The following CLRN3 variants were observed in gnomAD, a reference collection of about 807,000 sequenced individuals.
CLRN3 encodes the protein clarin 3.
In CLRN3, 12 loss-of-function variants were observed where a neutral mutation model predicts 16.7. That is an observed-to-expected ratio of 0.72 (90% CI 0.46 to 1.16). CLRN3 has a LOEUF of 1.16. CLRN3 is among the 50% of genes most tolerant of loss of function. The pLI is 0.00. For synonymous variants in CLRN3, 118 were observed against 113.0 expected (o/e 1.04, Z -0.28); for missense variants, 296 against 274.2 (o/e 1.08, Z -0.56).
intron 1 of CLRN3, 30 bp downstream of exon 1, chr10:127,892,526 T>G (rs1232137050): frequency 2.8e-6 from 3 of 1,081,254 alleles, no homozygotes; most frequent in Non-Finnish European, 4.3e-6. Context: ...TCAATCTCAC[T>G]ATATTCATTC....
intron 2 of CLRN3, among the ~76,000 whole-genome samples, chr10:127,881,352 G>A (rs1170672378): frequency 2.0e-5 from 3 of 152,220 alleles, no homozygotes; most frequent in Non-Finnish European, 4.4e-5. Flanking sequence ...TGAGGCCTCT[G>A]CTATATGCAA....
At chr10:127,887,930 C>T (rs925089117) in intron 1 of CLRN3, among the ~76,000 whole-genome samples, 1 of 152,208 alleles carries the variant, frequency 6.6e-6, no homozygotes, top group African/African-American at 2.4e-5. Flanking sequence ...AGAAGAGCGT[C>T]TGGCCCGCAG....
chr10:127,881,117 C>T (rs1313580365), intron 2 of CLRN3, among the ~76,000 whole-genome samples: 2 of 152,158 alleles, frequency 1.3e-5, no homozygotes, highest in East Asian at 3.9e-4. Flanking sequence ...GGCCTTCTCC[C>T]AGGCAGGCAT....
Position 127,878,316 on chromosome 10 carries a change from C to T in CLRN3, c.514G>A (p.Gly172Arg). 3 of 1,614,166 alleles carry T rather than the reference C, an allele frequency of 1.9e-6. No homozygotes were observed. The highest frequency in any genetic ancestry group is 2.5e-6 in the Non-Finnish European group (3 of 1,180,034). Residue 172 changes from glycine to arginine, a missense_variant, in exon 3 of 3, where the codon GGA becomes AGA. Transcript: ENST00000368671. ...QMLYPATTSK[G>R]TTHSYGYSFW... is the part of the protein sequence containing the mutation. ...GAGTATCCGTAACTGTGGGTCGTTC[C>T]TTTACTGGTGGTTGCCGGGTAAAGC...
chr10:127,892,247 T>C (rs1253226561), intron 1 of CLRN3, among the ~76,000 whole-genome samples: 1 of 152,250 alleles, frequency 6.6e-6, no homozygotes, highest in African/African-American at 2.4e-5. Context: ...GTGTTCCTAC[T>C]GGCTATTCAA....
intron 2 of CLRN3, among the ~76,000 whole-genome samples, chr10:127,879,413 T>C (rs570611464): frequency 1.3e-5 from 2 of 152,186 alleles, no homozygotes; most frequent in African/African-American, 4.8e-5. Context: ...TTCTTCAGTA[T>C]AGACTTGGGA....
At chr10:127,878,970 T>G (rs1016607518) in intron 2 of CLRN3, among the ~76,000 whole-genome samples, 1 of 152,188 alleles carries the variant, frequency 6.6e-6, no homozygotes, top group Non-Finnish European at 1.5e-5. Context: ...TCCCAGGAGC[T>G]TGAATCTCAT....
At chr10:127,887,677 T>C (rs979836903) in intron 1 of CLRN3, among the ~76,000 whole-genome samples, 10 of 152,232 alleles carry the variant, frequency 6.6e-5, no homozygotes, top group African/African-American at 2.4e-4. Flanking sequence ...CTGACAGCTG[T>C]ATCTCCGCTC....
chr10:127,881,530 C>T (rs911726050), intron 2 of CLRN3, among the ~76,000 whole-genome samples: 1 of 152,172 alleles, frequency 6.6e-6, no homozygotes, highest in African/African-American at 2.4e-5. Flanking sequence ...CCTGTTTTCC[C>T]TCCAGGAATG....
chr10:127,878,054 C>T lies in CLRN3; in HGVS notation c.*95G>A. ...CACAAATGCTGTCACAGATGACAGT[C>T]ACGTTACCATGCTGAATTGTCCAGA... On this transcript the variant is annotated 3_prime_UTR_variant, in exon 3 of 3. Coordinates refer to ENST00000368671, the MANE Select transcript of CLRN3 (RefSeq NM_152311.5). The T allele has an allele frequency of 7.1e-7, 1 of 1,407,296 alleles. No homozygotes were observed. Among genetic ancestry groups the T allele is most frequent in the East Asian group, 2.3e-5 (1 of 43,388 alleles). 87.2% of individuals were successfully genotyped at this position (1,407,296 alleles called of 1,614,324 possible).
At chr10:127,883,543 A>C (rs1784279430) in intron 2 of CLRN3, among the ~76,000 whole-genome samples, 153 bp downstream of exon 2, 2 of 152,188 alleles carry the variant, frequency 1.3e-5, no homozygotes, top group Admixed American at 6.5e-5. Context: ...TGGATTGACA[A>C]AATAAACCCC....
At chr10:127,887,005 G>T (rs1382392333) in intron 1 of CLRN3, among the ~76,000 whole-genome samples, 1 of 152,236 alleles carries the variant, frequency 6.6e-6, no homozygotes, top group Admixed American at 6.5e-5. Context: ...TGGCCACCTG[G>T]GCTGGGACCT....
rs550245323 is a variant in CLRN3, at chr10:127,878,311, C to T, written c.519G>A (p.Thr173=). The change falls in exon 3 of 3, where the codon ACG becomes ACA. Residue 173 remains threonine (T), a synonymous_variant. Coordinates refer to ENST00000368671, the MANE Select transcript of CLRN3 (RefSeq NM_152311.5). Reference sequence around the variant, plus strand: ...AGAACGAGTATCCGTAACTGTGGGTCGTTCCTTTACTGGTGGTTGCCGGGT... The same window carrying T: ...AGAACGAGTATCCGTAACTGTGGGTTGTTCCTTTACTGGTGGTTGCCGGGT... ...MLYPATTSKG[T]THSYGYSFWL... is the part of the protein sequence containing the mutation. 106 of 1,614,002 alleles carry T rather than the reference C, an allele frequency of 6.6e-5. No homozygotes were observed. Among genetic ancestry groups the T allele is most frequent in the Non-Finnish European group, 8.5e-5 (100 of 1,180,034 alleles).
intron 1 of CLRN3, among the ~76,000 whole-genome samples, chr10:127,888,206 C>G (rs1483221562): frequency 6.6e-6 from 1 of 152,230 alleles, no homozygotes; most frequent in South Asian, 2.1e-4. Flanking sequence ...GCTCCCAGTG[C>G]CCATGGGAGG....
rs750962469 is a variant in CLRN3, at chr10:127,878,186, G to T, written c.644C>A (p.Pro215Gln). 3 of 1,614,090 alleles carry T rather than the reference G, an allele frequency of 1.9e-6. No homozygotes were observed. Among genetic ancestry groups the T allele is most frequent in the Admixed American group, 3.3e-5 (2 of 60,026 alleles). ...RYQRKQEQRK[P>Q]MEYAPRDGIL... ...TCCGTCCCTTGGAGCATATTCCATT[G>T]GCTTTCTCTGCTCCTGCTTCCGCTG... The change falls in exon 3 of 3, where the codon CCA (proline) becomes CAA (glutamine). Residue 215 changes from proline (P) to glutamine (Q), a missense_variant. Physicochemically the swap from Pro to Gln is moderately conservative, Grantham distance 76. Coordinates refer to ENST00000368671, the MANE Select transcript of CLRN3 (RefSeq NM_152311.5).
chr10:127,891,693 C>A (rs903370527), intron 1 of CLRN3, among the ~76,000 whole-genome samples: 1 of 152,220 alleles, frequency 6.6e-6, no homozygotes, highest in Non-Finnish European at 1.5e-5. Flanking sequence ...ACTCAAACTT[C>A]TTCATGCATT....
At chr10:127,879,010 T>C (rs1450008162) in intron 2 of CLRN3, among the ~76,000 whole-genome samples, 1 of 152,220 alleles carries the variant, frequency 6.6e-6, no homozygotes, top group African/African-American at 2.4e-5. Flanking sequence ...AAGTGTCTAA[T>C]CAGGAGGAAT....
chr10:127,890,139 T>G (rs1457357684), intron 1 of CLRN3, among the ~76,000 whole-genome samples: 2 of 152,226 alleles, frequency 1.3e-5, no homozygotes, highest in Non-Finnish European at 2.9e-5. Flanking sequence ...GCAATTCCTT[T>G]CAGTATCCTG....
Position 127,892,762 on chromosome 10 carries a change from A to G in CLRN3, c.23T>C (p.Leu8Ser), listed in dbSNP as rs1845273436. MPTTKKT[L>S]MFLSSFFTSL... ...GGTGAAAAAGCTTGATAAGAACATC[A>G]ATGTCTTCTTTGTGGTAGGCATTTT... The change falls in exon 1 of 3, where the codon TTG becomes TCG. Residue 8 changes from leucine to serine, a missense_variant. Coordinates refer to ENST00000368671, the MANE Select transcript of CLRN3 (RefSeq NM_152311.5). 2 of 1,611,708 alleles carry G rather than the reference A, an allele frequency of 1.2e-6. No individual in the cohort carries two copies. The highest frequency in any genetic ancestry group is 1.7e-6 in the Non-Finnish European group (2 of 1,178,624).
Sources: allele counts gnomAD v4.1 joint callset (sites outside exome capture counted in the v4.1 genomes callset), GRCh38; gene constraint gnomAD v4.1.1; transcripts MANE v1.5; gene names NCBI Gene and HGNC (gene_info 2026-07-23, HGNC 2026-07-21).